The following CACNA2D1 variants were observed in gnomAD, a reference collection of about 807,000 sequenced individuals.
CACNA2D1 encodes the protein voltage-dependent calcium channel subunit alpha-2/delta-1.
A neutral mutation model predicts 171.5 loss-of-function variants in CACNA2D1; 53 were observed. The ratio of observed to expected loss-of-function variants is 0.31; its 90% confidence interval spans 0.25 to 0.39. The LOEUF is 0.39. CACNA2D1 is among the 10% of genes least tolerant of loss of function. The probability of loss-of-function intolerance (pLI) is 1.00; values close to 1 mark genes in which losing one functional copy is unlikely to be tolerated. For missense variants in CACNA2D1, 903 were observed against 1,299.8 expected, an observed-to-expected ratio of 0.69 and a Z score of 4.69; for synonymous variants, 442 against 443.1, an observed-to-expected ratio of 1.00 and a Z score of 0.03.
chr7:82,159,963 G>C (rs1036687497), intron 4 of CACNA2D1, among the ~76,000 whole-genome samples: 1 of 150,392 alleles, frequency 6.6e-6, no homozygotes, highest in Admixed American at 6.7e-5. Flanking sequence ...TTATATCTCT[G>C]AAATAAAATT....
At chr7:82,175,398 G>A (rs1796455752) in intron 3 of CACNA2D1, among the ~76,000 whole-genome samples, 1 of 152,030 alleles carries the variant, frequency 6.6e-6, no homozygotes, top group Non-Finnish European at 1.5e-5. Context: ...CATGTGTTAT[G>A]TGATTAATCT....
At chr7:82,439,110 A>T (rs947811906) in intron 1 of CACNA2D1, among the ~76,000 whole-genome samples, 2 of 152,094 alleles carry the variant, frequency 1.3e-5, no homozygotes, top group Non-Finnish European at 2.9e-5. Flanking sequence ...TTGCATCTAT[A>T]TTGAGAAATA....
At chr7:82,304,361 A>G (rs1035796769) in intron 3 of CACNA2D1, among the ~76,000 whole-genome samples, 11 of 151,980 alleles carry the variant, frequency 7.2e-5, no homozygotes, top group Admixed American at 2.0e-4. Flanking sequence ...AAAAAAAAAA[A>G]AAAAGAAAAT....
At chr7:82,238,241 C>T (rs1333120641) in intron 3 of CACNA2D1, among the ~76,000 whole-genome samples, 5 of 151,972 alleles carry the variant, frequency 3.3e-5, no homozygotes, top group East Asian at 1.9e-4. Flanking sequence ...CTATCACTAG[C>T]GAGGGGATTT....
intron 3 of CACNA2D1, among the ~76,000 whole-genome samples, chr7:82,296,038 T>C (rs1812237014): frequency 6.7e-6 from 1 of 148,988 alleles, no homozygotes; most frequent in East Asian, 2.0e-4. Context: ...ATGTTCTCAC[T>C]CATAGATGGG....
intron 9 of CACNA2D1, among the ~76,000 whole-genome samples, chr7:82,062,233 C>G (rs1190371866): frequency 1.3e-5 from 2 of 152,122 alleles, no homozygotes; most frequent in African/African-American, 4.8e-5. Context: ...AAGATAGAGG[C>G]AACCATGTCA....
chr7:82,345,967 G>A (rs947615606), intron 2 of CACNA2D1, among the ~76,000 whole-genome samples: 1 of 151,988 alleles, frequency 6.6e-6, no homozygotes, highest in Non-Finnish European at 1.5e-5. Context: ...TTTTAGTGGG[G>A]CACATGGCTG....
chr7:82,156,553 T>C (rs576312428), intron 4 of CACNA2D1, among the ~76,000 whole-genome samples: 13 of 152,222 alleles, frequency 8.5e-5, no homozygotes, highest in African/African-American at 2.6e-4. Context: ...AAGAAAATTA[T>C]ATATCCTCCC....
chr7:82,128,282 C>T (rs765146257), intron 5 of CACNA2D1, among the ~76,000 whole-genome samples: 38 of 152,064 alleles, frequency 2.5e-4, no homozygotes, highest in Admixed American at 8.5e-4. Flanking sequence ...TGACTAAAGC[C>T]ATAATTTTTA....
rs1562981855 is a variant in CACNA2D1, at chr7:82,060,199, T to TA, written c.879+228dup. 2.7e-3 allele frequency among the ~76,000 whole-genome samples: 31 copies of TA among 11,366 alleles called. 3 individuals carry two copies. Among genetic ancestry groups the TA allele is most frequent in the East Asian group, 7.5e-3 (1 of 134 alleles). The allele number at this position is 11,366 out of a possible 152,430, so 7.5% of individuals were successfully genotyped here. A position where few individuals can be genotyped will look rare whatever the true frequency, so the allele number is the denominator to read the frequency against. On this transcript the variant is annotated intron_variant, in intron 10 of 38. Coordinates refer to ENST00000356860, the MANE Select transcript of CACNA2D1 (RefSeq NM_000722.4). ...ATATAATATATATATATTATATATA[T>TA]ATTATATATATAATATATATATAAT...
chr7:82,227,211 T>C (rs1167838751), intron 3 of CACNA2D1, among the ~76,000 whole-genome samples: 1 of 152,134 alleles, frequency 6.6e-6, no homozygotes, highest in Admixed American at 6.6e-5. Context: ...GGAATTTCAG[T>C]CTGAAAGAAC....
Position 81,985,196 on chromosome 7 carries a change from CT to C in CACNA2D1, c.1797-486del, listed in dbSNP as rs774555240. Among the ~76,000 whole-genome samples, 310 of 104,174 alleles carry C rather than the reference CT, an allele frequency of 3.0e-3. 2 individuals carry two copies. Among genetic ancestry groups the C allele is most frequent in the East Asian group, 0.02 (74 of 3,728 alleles). The allele number at this position is 104,174 out of a possible 152,430, so 68.3% of individuals were successfully genotyped here. On this transcript the variant is annotated intron_variant, in intron 21 of 38. Transcript: ENST00000356860. ...AATGGAAGAGTTACTATTATCATTA[CT>C]TTTTTTTTTTTTTTTTTTTTGGAGA...
At chr7:82,176,531 C>T (rs1416382195) in intron 3 of CACNA2D1, among the ~76,000 whole-genome samples, 3 of 151,790 alleles carry the variant, frequency 2.0e-5, no homozygotes, top group Non-Finnish European at 4.4e-5. Context: ...ATTATTAGTA[C>T]TCTGAAAAGG....
chr7:82,102,673 C>T (rs1188515623), intron 6 of CACNA2D1, among the ~76,000 whole-genome samples: 1 of 152,040 alleles, frequency 6.6e-6, no homozygotes, highest in Non-Finnish European at 1.5e-5. Context: ...ATGGAGATTC[C>T]ATCTACAAGG....
chr7:81,997,474 CAG>C (rs1798163079), intron 18 of CACNA2D1, among the ~76,000 whole-genome samples: 1 of 151,160 alleles, frequency 6.6e-6, no homozygotes, highest in African/African-American at 2.4e-5. Flanking sequence ...CAAGTGAAGA[CAG>C]TGTCATTTTG....
intron 3 of CACNA2D1, among the ~76,000 whole-genome samples, chr7:82,229,463 C>T (rs1005746492): frequency 1.3e-5 from 2 of 152,044 alleles, no homozygotes; most frequent in African/African-American, 2.4e-5. Flanking sequence ...AGTCAGAGCT[C>T]GATCACAGAC....
chr7:82,238,844 C>G (rs1348014939), intron 3 of CACNA2D1, among the ~76,000 whole-genome samples: 1 of 152,002 alleles, frequency 6.6e-6, no homozygotes, highest in Non-Finnish European at 1.5e-5. Flanking sequence ...ATGGATCTGT[C>G]CTTGCAAATA....
In CACNA2D1 at chr7:82,308,328, A is replaced by T. The variant is rs148375241; in HGVS notation, c.294+26807T>A. Among the ~76,000 whole-genome samples the T allele has an allele frequency of 2.2e-3, 333 of 152,340 alleles. 1 individual carries two copies. Among genetic ancestry groups the T allele is most frequent in the African/African-American group, 7.8e-3 (324 of 41,578 alleles). On this transcript the variant is annotated intron_variant, in intron 3 of 38. Transcript: ENST00000356860. The stretch of plus-strand genomic sequence containing the variant: ...GAAACATGAGAGTTACGGTTGTCAC[A>T]TAAAGGGATCAAAAAGGGACTTCTA...
chr7:82,152,323 T>C (rs1339233480), intron 4 of CACNA2D1, among the ~76,000 whole-genome samples: 1 of 124,906 alleles, frequency 8.0e-6, no homozygotes, highest in African/African-American at 3.2e-5. Flanking sequence ...GGCTAAGAAT[T>C]TTCTTAAAAC....
Sources: allele counts gnomAD v4.1 joint callset (sites outside exome capture counted in the v4.1 genomes callset), GRCh38; gene constraint gnomAD v4.1.1; transcripts MANE v1.5; gene names NCBI Gene and HGNC (gene_info 2026-07-23, HGNC 2026-07-21).